Variants in TTC34 observed in about 807,000 individuals in gnomAD.
The protein encoded by TTC34 is tetratricopeptide repeat protein 34.
TTC34 carries 44 observed loss-of-function variants against 40.7 expected under a neutral mutation model. The observed-to-expected ratio is 1.08, with a 90% confidence interval of 0.85 to 1.39. The LOEUF is 1.39. Among genes scored for constraint, TTC34 ranks in the 40% most tolerant of loss-of-function variants. TTC34 has a pLI of 0.00. For missense variants in TTC34, 884 were observed against 838.0 expected (o/e 1.05, Z -0.68); for synonymous variants, 422 against 398.6 (o/e 1.06, Z -0.70).
intron 6 of TTC34, among the ~76,000 whole-genome samples, chr1:2,648,029 G>C (rs1186991722): frequency 6.7e-6 from 1 of 149,274 alleles, no homozygotes; most frequent in Non-Finnish European, 1.5e-5. Context: ...ATATTCCTCT[G>C]CTAGGATTCT....
intron 6 of TTC34, among the ~76,000 whole-genome samples, chr1:2,756,595 G>C (rs1287905311): frequency 0.012 from 603 of 51,898 alleles, no homozygotes; most frequent in Admixed American, 0.015. Context: ...ACCAACAGGT[G>C]AGCATCTGAC....
At chr1:2,801,220 G>A (rs557580399) in intron 1 of TTC34, among the ~76,000 whole-genome samples, 3 of 152,104 alleles carry the variant, frequency 2.0e-5, no homozygotes, top group East Asian at 1.9e-4. Flanking sequence ...TAGGAACCCC[G>A]GACCCACCCT....
At chr1:2,685,282 C>A (rs568857544) in intron 6 of TTC34, among the ~76,000 whole-genome samples, 2 of 104,092 alleles carry the variant, frequency 1.9e-5, no homozygotes, top group African/African-American at 8.6e-5. Flanking sequence ...CCTGCACCCC[C>A]AGGTGAGCAT....
intron 6 of TTC34, among the ~76,000 whole-genome samples, chr1:2,755,782 A>C (rs1229601226): frequency 9.9e-3 from 1,082 of 109,710 alleles, no homozygotes; most frequent in African/African-American, 0.019. Context: ...CGGCACCCAC[A>C]CCCCCAGGTG....
At chr1:2,760,918 T>C (rs1266132657) in intron 6 of TTC34, among the ~76,000 whole-genome samples, 9 of 17,586 alleles carry the variant, frequency 5.1e-4, no homozygotes, top group Non-Finnish European at 8.0e-4. Context: ...GGAGAAATGC[T>C]CACACCCCAA....
chr1:2,759,619 G>A (rs1641625223), intron 6 of TTC34, among the ~76,000 whole-genome samples: 1 of 152,142 alleles, frequency 6.6e-6, no homozygotes, highest in Non-Finnish European at 1.5e-5. Flanking sequence ...GCATCCGCCA[G>A]CCTGGAACAG....
At chr1:2,801,450 C>G (rs1001289208) in intron 1 of TTC34, 127 bp downstream of exon 1, 1 of 152,340 alleles carries the variant, frequency 6.6e-6, no homozygotes, top group Non-Finnish European at 1.5e-5. Context: ...GGGACAGCCC[C>G]TGGTACTCCC....
At chr1:2,750,725 A>C (rs1641291540) in intron 6 of TTC34, among the ~76,000 whole-genome samples, 2 of 149,910 alleles carry the variant, frequency 1.3e-5, no homozygotes, top group African/African-American at 2.5e-5. Flanking sequence ...CAGCACCCAC[A>C]CCCCCAGGTG....
chr1:2,757,223 C>G (rs1477386421), intron 6 of TTC34, among the ~76,000 whole-genome samples: 1 of 116,686 alleles, frequency 8.6e-6, no homozygotes, highest in Non-Finnish European at 1.7e-5. Context: ...TAACAGCACC[C>G]ACACCCCCAG....
chr1:2,787,954 AGGGCTGACCCTGTGTGGACCCT>A (rs1176778600), intron 3 of TTC34, among the ~76,000 whole-genome samples: 1 of 152,184 alleles, frequency 6.6e-6, no homozygotes, highest in East Asian at 1.9e-4. Flanking sequence ...AGGCAGAGGC[AGGGCTGACCCTGTGTGGACCCT>A]GCCTCAGTTT....
At chr1:2,687,214 A>C (rs1373033224) in intron 6 of TTC34, among the ~76,000 whole-genome samples, 1 of 145,174 alleles carries the variant, frequency 6.9e-6, no homozygotes, top group East Asian at 2.0e-4. Context: ...CCTCCCGGCG[A>C]GCATCCGACA....
chr1:2,687,384 C>A (rs1227137782), intron 6 of TTC34, among the ~76,000 whole-genome samples: 1 of 150,878 alleles, frequency 6.6e-6, no homozygotes, highest in Non-Finnish European at 1.5e-5. Context: ...GAGCATCTGA[C>A]AGCCTGGAAC....
chr1:2,783,837 C>A, intron 5 of TTC34, 62 bp from the exon 6 acceptor site: 1 of 1,355,922 alleles, frequency 7.4e-7, no homozygotes, highest in Non-Finnish European at 9.6e-7. Context: ...CAGCATCTAT[C>A]CTGCCCAGCC....
chr1:2,750,428 T>C (rs1641278203), intron 6 of TTC34, among the ~76,000 whole-genome samples: 2 of 102,692 alleles, frequency 1.9e-5, no homozygotes, highest in Admixed American at 1.1e-4. Context: ...CGTGACAGCC[T>C]GTAACAGCAC....
At chr1:2,775,717 G>T (rs1030963104) in intron 6 of TTC34, 2 of 147,078 alleles carry the variant, frequency 1.4e-5, no homozygotes, top group African/African-American at 5.4e-5. Context: ...ACATCCCCAG[G>T]TAAGTGTCTG....
chr1:2,783,947 T>C (rs563519471), intron 5 of TTC34, among the ~76,000 whole-genome samples, 172 bp from the exon 6 acceptor site: 14 of 151,988 alleles, frequency 9.2e-5, no homozygotes, highest in South Asian at 2.1e-4. Context: ...CTTGGGGGCA[T>C]TGGCTGCAGG....
At chr1:2,644,581 G>A (rs925039932) in intron 7 of TTC34, 103 bp from the exon 8 acceptor site, 4 of 1,225,556 alleles carry the variant, frequency 3.3e-6, no homozygotes, top group East Asian at 2.6e-5. Context: ...GCTGGCTTGC[G>A]GGGAGCTGAT....
intron 2 of TTC34, among the ~76,000 whole-genome samples, chr1:2,799,559 G>C (rs1012204308): frequency 6.6e-6 from 1 of 151,922 alleles, no homozygotes; most frequent in Non-Finnish European, 1.5e-5. Context: ...AAAAAATGCA[G>C]CTCAGAGTAC....
Position 2,792,413 on chromosome 1 carries a change from C to G in TTC34, c.785-2067G>C, listed in dbSNP as rs560028062. On this transcript the variant is annotated intron_variant, in intron 2 of 8. Transcript: ENST00000401095. ...GGATTTCTTTTTCTCCTTACTGTAG[C>G]TCATATTTTATTTTCCTGTCTCTTT... Among the ~76,000 whole-genome samples, 288 of 152,216 alleles carry G rather than the reference C, an allele frequency of 1.9e-3. 1 individual carries two copies. The highest frequency in any genetic ancestry group is 6.1e-3 in the African/African-American group (252 of 41,542).
Sources: allele counts gnomAD v4.1 joint callset (sites outside exome capture counted in the v4.1 genomes callset), GRCh38; gene constraint gnomAD v4.1.1; transcripts MANE v1.5; gene names NCBI Gene and HGNC (gene_info 2026-07-23, HGNC 2026-07-21).